RIT2: variants seen among roughly 807,000 people sequenced by gnomAD.
RIT2 encodes the protein Ras like without CAAX 2, also known as GTP-binding protein Rit2.
In RIT2, 24 loss-of-function variants were observed where a neutral mutation model predicts 23.7. That is an observed-to-expected ratio of 1.01 (90% CI 0.73 to 1.43). RIT2 has a LOEUF of 1.43. Among genes scored for constraint, RIT2 ranks in the 40% most tolerant of loss-of-function variants. The pLI is 0.00. For synonymous variants in RIT2, 107 were observed against 91.1 expected, an observed-to-expected ratio of 1.17 and a Z score of -0.99; for missense variants, 236 against 266.9, an observed-to-expected ratio of 0.88 and a Z score of 0.81.
intron 2 of RIT2, among the ~76,000 whole-genome samples, chr18:43,002,973 T>A (rs1306415890): frequency 6.6e-6 from 1 of 151,780 alleles, no homozygotes; most frequent in Non-Finnish European, 1.5e-5. Context: ...GATAGAAATA[T>A]GCTGTGTTGT....
intron 4 of RIT2, among the ~76,000 whole-genome samples, chr18:42,769,135 A>C (rs1351395744): frequency 6.6e-6 from 1 of 152,144 alleles, no homozygotes; most frequent in Non-Finnish European, 1.5e-5. Flanking sequence ...AAGTGTTTCT[A>C]CCTAAGAAAA....
At chr18:42,800,373 T>C (rs1419739202) in intron 4 of RIT2, among the ~76,000 whole-genome samples, 1 of 152,184 alleles carries the variant, frequency 6.6e-6, no homozygotes, top group Non-Finnish European at 1.5e-5. Flanking sequence ...TCTAGATCTC[T>C]AGATTTCTGT....
chr18:43,059,473 A>G (rs1327946821), intron 1 of RIT2, among the ~76,000 whole-genome samples: 2 of 152,146 alleles, frequency 1.3e-5, no homozygotes, highest in Non-Finnish European at 2.9e-5. Flanking sequence ...TAGACAAGAT[A>G]TACATGAGAA....
intron 2 of RIT2, among the ~76,000 whole-genome samples, chr18:43,010,575 T>C (rs1360756312): frequency 6.6e-6 from 1 of 151,762 alleles, no homozygotes; most frequent in African/African-American, 2.4e-5. Flanking sequence ...TTCTTGAAAA[T>C]AAAATATAAT....
chr18:42,968,339 T>C (rs1910286397), intron 3 of RIT2, among the ~76,000 whole-genome samples: 1 of 152,182 alleles, frequency 6.6e-6, no homozygotes, highest in Admixed American at 6.5e-5. Flanking sequence ...CAAGCATTAA[T>C]TGCTATACAG....
At position 42,799,882 on chromosome 18, in the gene RIT2, A is replaced by T. The variant is rs182392190; in HGVS notation, c.427-56162T>A. ...AAGCAGCCTTCTCAGAACCTCCTAGACTAATCTAATTCTCCCACCATTATT... is the reference window on the plus strand; with the variant it reads ...AAGCAGCCTTCTCAGAACCTCCTAGTCTAATCTAATTCTCCCACCATTATT... On this transcript the variant is annotated intron_variant, in intron 4 of 4. Transcript: ENST00000326695. Among the ~76,000 whole-genome samples the T allele has an allele frequency of 3.2e-3, 486 of 152,278 alleles. 1 individual carries two copies. The highest frequency in any genetic ancestry group is 0.011 in the African/African-American group (454 of 41,544).
intron 3 of RIT2, among the ~76,000 whole-genome samples, chr18:42,949,934 A>G (rs928221722): frequency 6.6e-6 from 1 of 152,140 alleles, no homozygotes; most frequent in African/African-American, 2.4e-5. Flanking sequence ...ACTCATTTAT[A>G]TCCACATAAT....
intron 4 of RIT2, among the ~76,000 whole-genome samples, chr18:42,870,552 T>C (rs1907594945): frequency 6.6e-6 from 1 of 152,136 alleles, no homozygotes; most frequent in Non-Finnish European, 1.5e-5. Flanking sequence ...TGAATTTTGT[T>C]ACCTAATAAT....
At chr18:42,895,999 T>C (rs953239861) in intron 4 of RIT2, among the ~76,000 whole-genome samples, 1 of 152,232 alleles carries the variant, frequency 6.6e-6, no homozygotes, top group African/African-American at 2.4e-5. Flanking sequence ...TTTTCGTTTT[T>C]CACGCCTGTA....
At chr18:42,845,048 G>A (rs553792409) in intron 4 of RIT2, among the ~76,000 whole-genome samples, 75 of 152,170 alleles carry the variant, frequency 4.9e-4, no homozygotes, top group African/African-American at 1.5e-3. Flanking sequence ...CAAATGATGC[G>A]TTCAATTTTG....
chr18:42,804,834 G>A (rs1176583501), intron 4 of RIT2, among the ~76,000 whole-genome samples: 1 of 152,092 alleles, frequency 6.6e-6, no homozygotes. Context: ...TTAAAACCTG[G>A]AATTTGTAAT....
intron 1 of RIT2, among the ~76,000 whole-genome samples, chr18:43,061,020 T>A (rs1598766600): frequency 6.6e-6 from 1 of 152,208 alleles, no homozygotes; most frequent in East Asian, 1.9e-4. Flanking sequence ...ATTATAACAA[T>A]CCCTGTGACC....
intron 4 of RIT2, among the ~76,000 whole-genome samples, chr18:42,794,661 A>AC (rs569769406): frequency 1.4e-3 from 218 of 152,316 alleles, no homozygotes; most frequent in African/African-American, 5.0e-3. Flanking sequence ...GTCTGTGCAA[A>AC]CAGCTGAAAT....
rs1348764606 is a variant in RIT2 at position 43,050,074 on chromosome 18, T to C, written c.104-16207A>G. 2.7e-5 allele frequency among the ~76,000 whole-genome samples: 4 copies of C among 146,316 alleles called. No homozygotes were observed. The East Asian group carries it at 8.7e-4, about 32-fold the overall frequency. ...CAGGATCTTGCTCTGTCTCCCAGGA[T>C]GGAGTACAGTGGCACAATTATGGCT... On this transcript the variant is annotated intron_variant, in intron 1 of 4. Coordinates refer to ENST00000326695, the MANE Select transcript of RIT2 (RefSeq NM_002930.4).
At chr18:42,827,024 G>A (rs1254080697) in intron 4 of RIT2, among the ~76,000 whole-genome samples, 3 of 152,014 alleles carry the variant, frequency 2.0e-5, no homozygotes, top group South Asian at 2.1e-4. Context: ...AAATTCATAT[G>A]GAAAAGTCCA....
intron 4 of RIT2, among the ~76,000 whole-genome samples, chr18:42,837,128 T>C (rs1007694675): frequency 4.2e-5 from 6 of 141,888 alleles, no homozygotes; most frequent in African/African-American, 1.0e-4. Context: ...TAAAGTGCTA[T>C]AAAAATTTCT....
chr18:42,809,594 T>C (rs2143973617), intron 4 of RIT2, among the ~76,000 whole-genome samples: 1 of 151,970 alleles, frequency 6.6e-6, no homozygotes, highest in Non-Finnish European at 1.5e-5. Context: ...GAATACAGTT[T>C]TGTATGAATA....
chr18:42,828,003 C>CAAAAAAAAAA (rs200737336), intron 4 of RIT2, among the ~76,000 whole-genome samples: 1 of 51,742 alleles, frequency 1.9e-5, no homozygotes, highest in Non-Finnish European at 4.0e-5. Context: ...GACTCCGTCT[C>CAAAAAAAAAA]AAAAAAAAAA....
chr18:42,922,434 A>G (rs553702391), intron 4 of RIT2, among the ~76,000 whole-genome samples: 135 of 152,296 alleles, frequency 8.9e-4, no homozygotes, highest in Middle Eastern at 3.4e-3. Flanking sequence ...TTTAAGGTCA[A>G]CGAAAAGAAA....
Sources: allele counts gnomAD v4.1 joint callset (sites outside exome capture counted in the v4.1 genomes callset), GRCh38; gene constraint gnomAD v4.1.1; transcripts MANE v1.5; gene names NCBI Gene and HGNC (gene_info 2026-07-23, HGNC 2026-07-21).